VIT: variants seen among roughly 807,000 people sequenced by gnomAD.
The protein encoded by VIT is vitrin.
Under a neutral mutation model 78.0 loss-of-function variants are expected in VIT, and 99 were observed. The ratio of observed to expected loss-of-function variants is 1.27; its 90% CI spans 1.08 to 1.50. The LOEUF (loss-of-function observed/expected upper bound fraction) is 1.50. Among genes scored for constraint, VIT ranks in the 40% most tolerant of loss-of-function variants. The pLI, the probability that VIT is intolerant of heterozygous loss-of-function variation, is 0.00. For synonymous variants in VIT, 374 were observed against 334.3 expected, an observed-to-expected ratio of 1.12 and a Z score of -1.29; for missense variants, 1,126 against 875.3, an observed-to-expected ratio of 1.29 and a Z score of -3.61.
chr2:36,752,956 C>G (rs1165469796), intron 4 of VIT, among the ~76,000 whole-genome samples: 1 of 152,150 alleles, frequency 6.6e-6, no homozygotes, highest in South Asian at 2.1e-4. Flanking sequence ...TGGAATCAAC[C>G]TAAATGCCCA....
intron 1 of VIT, among the ~76,000 whole-genome samples, chr2:36,715,184 C>A (rs574658825): frequency 2.0e-5 from 3 of 152,314 alleles, no homozygotes; most frequent in South Asian, 2.1e-4. Context: ...CACTACCCCC[C>A]ACCTACTGGA....
At chr2:36,806,164 A>G (rs1299755314) in intron 14 of VIT, among the ~76,000 whole-genome samples, 1 of 152,170 alleles carries the variant, frequency 6.6e-6, no homozygotes, top group Non-Finnish European at 1.5e-5. Context: ...GGAGATGTGG[A>G]GCAATGCCTC....
At chr2:36,800,097 A>G (rs567245983) in intron 12 of VIT, among the ~76,000 whole-genome samples, 1 of 151,388 alleles carries the variant, frequency 6.6e-6, no homozygotes, top group South Asian at 2.1e-4. Context: ...CTGTAATCCT[A>G]GCACTCTGGG....
intron 1 of VIT, among the ~76,000 whole-genome samples, chr2:36,710,787 T>C (rs556187948): frequency 3.9e-4 from 60 of 152,364 alleles, no homozygotes; most frequent in African/African-American, 1.4e-3. Context: ...TAAACCACAA[T>C]GTGTTTATCC....
chr2:36,766,098 C>A (rs1349798869), intron 6 of VIT, among the ~76,000 whole-genome samples: 4 of 152,214 alleles, frequency 2.6e-5, no homozygotes, highest in Non-Finnish European at 5.9e-5. Flanking sequence ...GCCACTTGTC[C>A]CCTTGCTCTA....
At chr2:36,781,499 T>TTTACC (rs1558567190) in intron 9 of VIT, among the ~76,000 whole-genome samples, 1 of 152,180 alleles carries the variant, frequency 6.6e-6, no homozygotes, top group Non-Finnish European at 1.5e-5. Context: ...TCTTGGTGCA[T>TTTACC]AATGAAAAAG....
chr2:36,767,127 T>C lies in VIT; in HGVS notation c.521T>C (p.Ile174Thr). The change falls in exon 7 of 16, where the codon ATT becomes ACT. Residue 174 changes from isoleucine to threonine, a missense_variant. By Grantham distance (89) the Ile-to-Thr change is moderately conservative. Transcript: ENST00000379242. ...ETTKAYQRPP[I>T]PGTTAQPVTL... ...ACAAAAGCCTATCAGAGGCCACCTA[T>C]TCCAGGGACAACTGCACAGCCGGTC... The C allele has an allele frequency of 6.2e-7, 1 of 1,606,630 alleles. No individual in the cohort carries two copies. Among genetic ancestry groups the C allele is most frequent in the Middle Eastern group, 1.7e-4 (1 of 6,044 alleles).
intron 4 of VIT, among the ~76,000 whole-genome samples, chr2:36,750,995 C>T (rs897001630): frequency 2.0e-5 from 3 of 152,322 alleles, no homozygotes; most frequent in East Asian, 1.9e-4. Flanking sequence ...CGTGGTGGCT[C>T]ATGCCCGTAA....
chr2:36,709,869 G>T (rs1665692650), intron 1 of VIT, among the ~76,000 whole-genome samples: 1 of 152,166 alleles, frequency 6.6e-6, no homozygotes, highest in Non-Finnish European at 1.5e-5. Context: ...CCTCACTAAG[G>T]AATTTGAGCT....
chr2:36,754,984 C>T lies in VIT; in HGVS notation c.339C>T (p.Tyr113=). 1 of 1,614,132 alleles carries T rather than the reference C, an allele frequency of 6.2e-7. No individual in the cohort carries two copies. Among genetic ancestry groups the T allele is most frequent in the South Asian group, 1.1e-5 (1 of 91,082 alleles). ...LVRKVAGQSG[Y]KGSYSNGVQS... The stretch of plus-strand genomic sequence containing the variant: ...GGAAGGTTGCTGGACAGTCTGGTTA[C>T]AAAGGGAGTTATTCCAACGGTGTCC... The change falls in exon 5 of 16, where the codon TAC becomes TAT. Residue 113 remains tyrosine, a synonymous_variant. Coordinates refer to ENST00000379242, the MANE Select transcript of VIT (RefSeq NM_053276.4).
chr2:36,746,945 T>C (rs12712520), intron 4 of VIT, among the ~76,000 whole-genome samples: 2 of 151,888 alleles, frequency 1.3e-5, no homozygotes, highest in African/African-American at 4.8e-5. Context: ...TTTTGTACTA[T>C]AAAATTTCCA....
intron 3 of VIT, among the ~76,000 whole-genome samples, chr2:36,742,652 C>T (rs1331730481): frequency 6.6e-6 from 1 of 152,208 alleles, no homozygotes; most frequent in East Asian, 1.9e-4. Flanking sequence ...CACAAGCCAA[C>T]CTTGTCCAGG....
rs10179067 is a variant in VIT, at chr2:36,701,171, G to A, written c.-19+4198G>A. Among the ~76,000 whole-genome samples, 1,302 of 152,236 alleles carry A rather than the reference G, an allele frequency of 8.6e-3. 21 individuals are homozygous for A. The highest frequency in any genetic ancestry group is 0.028 in the African/African-American group (1,155 of 41,508). ...GTAATAACAGTGGAGAGGCGTGGAG[G>A]CAAGGAACTCACAGGGGAAGTTTTG... On this transcript the variant is annotated intron_variant, in intron 1 of 15. Coordinates refer to ENST00000379242, the MANE Select transcript of VIT (RefSeq NM_053276.4).
intron 1 of VIT, among the ~76,000 whole-genome samples, chr2:36,697,592 C>T (rs1573087966): frequency 6.6e-6 from 1 of 152,170 alleles, no homozygotes; most frequent in African/African-American, 2.4e-5. Context: ...AGTCTGCCAT[C>T]GTAGCTCAGC....
intron 2 of VIT, among the ~76,000 whole-genome samples, chr2:36,721,600 G>T (rs757284123): frequency 6.6e-6 from 1 of 152,080 alleles, no homozygotes; most frequent in African/African-American, 2.4e-5. Flanking sequence ...AGGATGCAGC[G>T]CAAGTTTCTT....
chr2:36,714,989 A>G (rs1666034666), intron 1 of VIT, among the ~76,000 whole-genome samples: 1 of 152,178 alleles, frequency 6.6e-6, no homozygotes, highest in African/African-American at 2.4e-5. Context: ...ACTCTCCAAC[A>G]TCTGGGTCTC....
rs748465900 is a variant in VIT at position 36,787,182 on chromosome 2, C to T, written c.964C>T (p.Arg322Trp). 113 of 1,613,750 alleles carry T rather than the reference C, an allele frequency of 7.0e-5. No homozygotes were observed. Among genetic ancestry groups the T allele is most frequent in the South Asian group, 1.9e-4 (17 of 91,066 alleles). The change falls in exon 12 of 16, where the codon CGG becomes TGG. Residue 322 changes from arginine (R) to tryptophan (W), a missense_variant. Arg to Trp is a moderately radical substitution (Grantham distance 101). Transcript: ENST00000379242. ...TGATGGGAGCACCAGCATTGGCAAA[C>T]GGCGATTCCGAATCCAGAAGCAGCT... is the stretch of plus-strand genomic sequence containing the variant. ...LIDGSTSIGK[R>W]RFRIQKQLLA... is the part of the protein sequence containing the mutation.
intron 12 of VIT, among the ~76,000 whole-genome samples, 169 bp downstream of exon 12, chr2:36,787,445 C>G (rs1284010039): frequency 6.6e-6 from 1 of 152,180 alleles, no homozygotes; most frequent in African/African-American, 2.4e-5. Flanking sequence ...ATCCAGATGC[C>G]TTTAAGAAAT....
At position 36,716,348 on chromosome 2, in the gene VIT, T is replaced by C; in HGVS notation, c.-18-5T>C. ...ATGATGACGTTATTGTTTCTTTCTC[T>C]CCAGGGTGTCATTCTGATATTTATG... On this transcript the variant is annotated splice_polypyrimidine_tract_variant and splice_region_variant and intron_variant, in intron 1 of 15. Transcript: ENST00000379242. 6.2e-7 allele frequency: 1 copy of C among 1,612,698 alleles called. No homozygotes were observed.
Sources: allele counts gnomAD v4.1 joint callset (sites outside exome capture counted in the v4.1 genomes callset), GRCh38; gene constraint gnomAD v4.1.1; transcripts MANE v1.5; gene names NCBI Gene and HGNC (gene_info 2026-07-23, HGNC 2026-07-21).